ITLN2: variants seen among roughly 807,000 people sequenced by gnomAD.
ITLN2 encodes intelectin-2.
In ITLN2, 29 loss-of-function variants were observed where a neutral mutation model predicts 39.4. The observed-to-expected ratio is 0.74, with a 90% confidence interval of 0.55 to 1.00. The LOEUF is 1.00. Ranked by LOEUF, ITLN2 falls within the 50% of genes least tolerant of loss-of-function variation. The pLI, the probability that ITLN2 is intolerant of heterozygous loss-of-function variation, is 0.00. For missense variants in ITLN2, 412 were observed against 416.7 expected, an observed-to-expected ratio of 0.99 and a Z score of 0.10; for synonymous variants, 156 against 153.4, an observed-to-expected ratio of 1.02 and a Z score of -0.12.
chr1:160,952,647 T>C lies in ITLN2; in HGVS notation c.166A>G (p.Ile56Val), dbSNP rs1671771646. The C allele has an allele frequency of 2.2e-5, 35 of 1,614,134 alleles. No individual in the cohort carries two copies. The highest frequency in any genetic ancestry group is 3.0e-5 in the Non-Finnish European group (35 of 1,179,940). The change falls in exon 3 of 8, where the codon ATC (isoleucine) becomes GTC (valine). Residue 56 changes from isoleucine to valine, a missense_variant. Transcript: ENST00000368029. ...FSSLPRSCKE[I>V]KERCHSAGDG... ...CCTGCACTATGGCAGCGTTCCTTGATTTCTTTGCAGCTTCTAGGCAGGGAA... is the reference window on the plus strand; with the variant it reads ...CCTGCACTATGGCAGCGTTCCTTGACTTCTTTGCAGCTTCTAGGCAGGGAA...
chr1:160,954,475 G>A (rs1477650755), intron 1 of ITLN2, 25 bp from the exon 2 acceptor site: 30 of 1,549,260 alleles, frequency 1.9e-5, no homozygotes, highest in Non-Finnish European at 2.6e-5. Flanking sequence ...GATGCACAAG[G>A]TCACTGGCTG....
At chr1:160,949,379 T>A (rs1466679188) in intron 6 of ITLN2, 2 of 152,462 alleles carry the variant, frequency 1.3e-5, no homozygotes, top group Admixed American at 1.3e-4. Context: ...TTTGTGGGTG[T>A]CGGGCTGGGG....
chr1:160,953,799 CT>C lies in ITLN2; in HGVS notation c.79+587del, dbSNP rs1671802961. ...GAGCAGACACTTAACATCTCTGATC[CT>C]TTTTCTTCATCTTTAAGATGTCATT... On this transcript the variant is annotated intron_variant, in intron 2 of 7. Coordinates refer to ENST00000368029, the MANE Select transcript of ITLN2 (RefSeq NM_080878.3). Among the ~76,000 whole-genome samples the C allele has an allele frequency of 2.0e-5, 3 of 152,106 alleles. No homozygotes were observed. The South Asian group carries it at 6.2e-4, about 32-fold the overall frequency.
In ITLN2 at chr1:160,945,228, G is replaced by A; in HGVS notation, c.890C>T (p.Ala297Val). Residue 297 changes from alanine (A) to valine (V), a missense_variant, in exon 8 of 8, where the codon GCC becomes GTC. Ala to Val is a moderately conservative substitution (Grantham distance 64). Coordinates refer to ENST00000368029, the MANE Select transcript of ITLN2 (RefSeq NM_080878.3). The stretch of plus-strand genomic sequence containing the variant: ...AGTTCCATATCCATCCCAGTCAAAG[G>A]CGGAGAAGTCCCCACACTGACGGGG... ...GKPRQCGDFS[A>V]FDWDGYGTHV... 6.2e-7 allele frequency: 1 copy of A among 1,607,374 alleles called. No individual in the cohort carries two copies. Among genetic ancestry groups the A allele is most frequent in the Non-Finnish European group, 8.5e-7 (1 of 1,178,352 alleles).
chr1:160,945,316 CTG>C, intron 7 of ITLN2, 24 bp from the exon 8 acceptor site: 2 of 1,518,260 alleles, frequency 1.3e-6, no homozygotes, highest in Non-Finnish European at 1.8e-6. Flanking sequence ...AGAAGAAACA[CTG>C]TGAGGAATTT....
intron 1 of ITLN2, 75 bp from the exon 2 acceptor site, chr1:160,954,525 T>G: frequency 7.5e-7 from 1 of 1,335,358 alleles, no homozygotes; most frequent in Non-Finnish European, 1.1e-6. Context: ...CTTCCTAACC[T>G]TTCTGAGTCA....
At chr1:160,954,595 C>T in intron 1 of ITLN2, 132 bp downstream of exon 1, 1 of 1,246,318 alleles carries the variant, frequency 8.0e-7, no homozygotes, top group Admixed American at 1.9e-5. Flanking sequence ...TGGAATATGC[C>T]CCACGGCTGT....
chr1:160,950,491 C>T lies in ITLN2; in HGVS notation c.600+62G>A, dbSNP rs976353334. 7 of 1,574,608 alleles carry T rather than the reference C, an allele frequency of 4.4e-6. No individual in the cohort carries two copies. In the Admixed American group the frequency reaches 1.2e-4, roughly 27 times the overall value. ...AACCACAGGACAGATCTGCCCCCTA[C>T]CCTAGACACTTCGATCTCTGTTCAC... On this transcript the variant is annotated intron_variant, in intron 5 of 7. Coordinates refer to ENST00000368029, the MANE Select transcript of ITLN2 (RefSeq NM_080878.3).
In ITLN2 at chr1:160,945,030, A is replaced by G. The variant is rs954199089; in HGVS notation, c.*110T>C. On this transcript the variant is annotated 3_prime_UTR_variant, in exon 8 of 8. Coordinates refer to ENST00000368029, the MANE Select transcript of ITLN2 (RefSeq NM_080878.3). ...GAATTCAAAGAAACATAGAGTTGCAAATTGATGTGATTTAGTCTCCTCTCC... is the reference window on the plus strand; with the variant it reads ...GAATTCAAAGAAACATAGAGTTGCAGATTGATGTGATTTAGTCTCCTCTCC... 2.2e-6 allele frequency: 2 copies of G among 906,928 alleles called. No individual in the cohort carries two copies. The highest frequency in any genetic ancestry group is 1.9e-5 in the South Asian group (1 of 51,534). 56.2% of individuals were successfully genotyped at this position (906,928 alleles called of 1,614,324 possible).
chr1:160,947,247 C>T (rs1035854483), intron 7 of ITLN2, among the ~76,000 whole-genome samples: 4 of 152,194 alleles, frequency 2.6e-5, no homozygotes, highest in Non-Finnish European at 5.9e-5. Context: ...TTTCTCTTTA[C>T]CCAAACATCT....
chr1:160,949,449 C>A (rs1189724084), intron 6 of ITLN2: 1 of 153,974 alleles, frequency 6.5e-6, no homozygotes, highest in South Asian at 2.1e-4. Context: ...TGGGGAGAAA[C>A]CTTGGACAAT....
chr1:160,949,235 G>A (rs984437214), intron 6 of ITLN2: 3 of 152,162 alleles, frequency 2.0e-5, no homozygotes, highest in Non-Finnish European at 2.9e-5. Flanking sequence ...TCCTATCTCA[G>A]TAAATAGAAC....
chr1:160,953,214 C>T (rs1385585935), intron 2 of ITLN2, among the ~76,000 whole-genome samples: 9 of 149,698 alleles, frequency 6.0e-5, no homozygotes. Context: ...TGGCCTGAAG[C>T]AATAACAGAG....
In ITLN2 at chr1:160,947,919, A is replaced by C. The variant is rs758138183; in HGVS notation, c.825+10T>G. ...CCACACGTGGGCCATTGATCTCCCC[A>C]AAAACTCACATGCTCAGTGTTACAG... On this transcript the variant is annotated intron_variant, in intron 7 of 7. Transcript: ENST00000368029. 8 of 1,599,774 alleles carry C rather than the reference A, an allele frequency of 5.0e-6. No homozygotes were observed. In the South Asian group the frequency reaches 8.8e-5, roughly 18 times the overall value.
chr1:160,945,264 G>A lies in ITLN2; in HGVS notation c.854C>T (p.Pro285Leu), dbSNP rs372070533. ...HHCIGGGGFF[P>L]QGKPRQCGDF... ...CCCACACTGACGGGGTTTGCCCTGT[G>A]GGAAGAACCCTCCTCCACCGATGCA... Residue 285 changes from proline (P) to leucine (L), a missense_variant, in exon 8 of 8, where the codon CCA becomes CTA. Pro to Leu is a moderately conservative substitution (Grantham distance 98, BLOSUM62 -3). Transcript: ENST00000368029. 52 of 1,586,122 alleles carry A rather than the reference G, an allele frequency of 3.3e-5. No homozygotes were observed. Among genetic ancestry groups the A allele is most frequent in the South Asian group, 8.1e-5 (7 of 86,122 alleles).
Position 160,945,292 on chromosome 1 carries a change from G to T in ITLN2, c.826C>A (p.His276Asn). Residue 276 changes from histidine to asparagine, a missense_variant and splice_region_variant, in exon 8 of 8, where the codon CAC becomes AAC. By Grantham distance (68) the His-to-Asn change is moderately conservative. Coordinates refer to ENST00000368029, the MANE Select transcript of ITLN2 (RefSeq NM_080878.3). ...IKVTGCNTEH[H>N]CIGGGGFFPQ... is the part of the protein sequence containing the mutation. ...AAGAACCCTCCTCCACCGATGCAGT[G>T]CTGGGAAACAGAAAGAAGAAACACT... 6.4e-7 allele frequency: 1 copy of T among 1,550,680 alleles called. No individual in the cohort carries two copies. Among genetic ancestry groups the T allele is most frequent in the African/African-American group, 1.4e-5 (1 of 70,702 alleles).
chr1:160,946,165 G>T (rs974422504), intron 7 of ITLN2, among the ~76,000 whole-genome samples: 13 of 150,726 alleles, frequency 8.6e-5, no homozygotes, highest in African/African-American at 2.7e-4. Context: ...AAAAAAATTA[G>T]CCGGGTGTGG....
chr1:160,948,434 C>T (rs958210841), intron 6 of ITLN2, among the ~76,000 whole-genome samples: 1 of 152,176 alleles, frequency 6.6e-6, no homozygotes, highest in Admixed American at 6.6e-5. Flanking sequence ...GTTTCCCTGA[C>T]CATCACCTGC....
At chr1:160,947,884 T>C (rs750331703) in intron 7 of ITLN2, 45 bp downstream of exon 7, 151 of 1,288,346 alleles carry the variant, frequency 1.2e-4, no homozygotes, top group Non-Finnish European at 1.6e-4. Flanking sequence ...CTGATCTCTC[T>C]TTCTTTTCCC....
Sources: allele counts gnomAD v4.1 joint callset (sites outside exome capture counted in the v4.1 genomes callset), GRCh38; gene constraint gnomAD v4.1.1; transcripts MANE v1.5; gene names NCBI Gene and HGNC (gene_info 2026-07-23, HGNC 2026-07-21).